ATG2B: variants seen among roughly 807,000 people sequenced by gnomAD.
ATG2B encodes the protein autophagy related 2B.
A neutral mutation model predicts 241.3 loss-of-function variants in ATG2B; 121 were observed. That is an observed-to-expected ratio of 0.50 (90% CI 0.43 to 0.58). The LOEUF (loss-of-function observed/expected upper bound fraction) is 0.58. Ranked by LOEUF, ATG2B falls within the 20% of genes least tolerant of loss-of-function variation. The pLI, the probability that ATG2B is intolerant of heterozygous loss-of-function variation, is 0.00. For synonymous variants in ATG2B, 858 were observed against 876.6 expected (o/e 0.98, Z 0.37); for missense variants, 2,306 against 2,491.6 (o/e 0.93, Z 1.59).
intron 32 of ATG2B, among the ~76,000 whole-genome samples, chr14:96,304,071 A>G (rs937113950): frequency 1.3e-5 from 2 of 152,220 alleles, no homozygotes; most frequent in Non-Finnish European, 2.9e-5. Context: ...GTCTGGCCCT[A>G]CTGGTCTCTA....
chr14:96,295,640 C>CCTG, intron 34 of ATG2B, 80 bp from the exon 35 acceptor site: 1 of 904,856 alleles, frequency 1.1e-6, no homozygotes, highest in South Asian at 1.7e-5. Context: ...GTATCTTAAA[C>CCTG]TCATATATTT....
intron 1 of ATG2B, among the ~76,000 whole-genome samples, chr14:96,355,750 A>C (rs1888455517): frequency 6.6e-6 from 1 of 152,208 alleles, no homozygotes; most frequent in Non-Finnish European, 1.5e-5. Context: ...TATGAAAAAA[A>C]AGCAAACATT....
At chr14:96,299,136 CACTT>C (rs1385537726) in intron 34 of ATG2B, among the ~76,000 whole-genome samples, 1 of 152,156 alleles carries the variant, frequency 6.6e-6, no homozygotes, top group African/African-American at 2.4e-5. Flanking sequence ...CCTGGTTGAG[CACTT>C]ACTTATCTTC....
chr14:96,311,928 T>C (rs1331465090), intron 26 of ATG2B, among the ~76,000 whole-genome samples, 161 bp downstream of exon 26: 1 of 152,210 alleles, frequency 6.6e-6, no homozygotes, highest in Non-Finnish European at 1.5e-5. Flanking sequence ...TGTGAATATA[T>C]ACCACATGAT....
chr14:96,351,622 G>C (rs1051297455), intron 1 of ATG2B, among the ~76,000 whole-genome samples: 4 of 151,976 alleles, frequency 2.6e-5, no homozygotes, highest in African/African-American at 7.3e-5. Flanking sequence ...TTTAATCCCA[G>C]CTACTCGGGA....
rs1031186883 is a variant in ATG2B, at chr14:96,285,102, G to T, written c.*653C>A. On this transcript the variant is annotated 3_prime_UTR_variant, in exon 42 of 42. Coordinates refer to ENST00000359933, the MANE Select transcript of ATG2B (RefSeq NM_018036.7). This position sits in a 1 kb window ranked among gnomAD's most constrained non-coding sequence, Gnocchi z 4.2. ...TTGTGTAACTTTGTAAATTATACAA[G>T]AAATATAGCACACAACTTGAATTAA... The T allele has an allele frequency of 6.6e-6, 1 of 152,146 alleles. No homozygotes were observed. Among genetic ancestry groups the T allele is most frequent in the Non-Finnish European group, 1.5e-5 (1 of 68,028 alleles). The allele number at this position is 152,146 out of a possible 1,614,324, so 9.4% of individuals were successfully genotyped here.
intron 18 of ATG2B, 129 bp downstream of exon 18, chr14:96,321,983 A>G (rs1473513967): frequency 4.4e-6 from 3 of 682,526 alleles, no homozygotes; most frequent in East Asian, 6.0e-5. Context: ...AGTCACCATC[A>G]ACACCACACA....
chr14:96,332,228 A>C, intron 10 of ATG2B, 77 bp downstream of exon 10: 1 of 1,170,756 alleles, frequency 8.5e-7, no homozygotes, highest in Non-Finnish European at 1.2e-6. Context: ...AAAAAAAAAA[A>C]GAAAGAAAAG....
At chr14:96,287,171 C>T (rs1357463231) in intron 41 of ATG2B, among the ~76,000 whole-genome samples, 1 of 139,370 alleles carries the variant, frequency 7.2e-6, no homozygotes, top group South Asian at 2.4e-4. Context: ...AGGAGAATGG[C>T]GTGAACCAGG....
At chr14:96,307,672 TG>T (rs1426534250) in intron 29 of ATG2B, among the ~76,000 whole-genome samples, 2 of 151,568 alleles carry the variant, frequency 1.3e-5, no homozygotes, top group Non-Finnish European at 2.9e-5. Flanking sequence ...AGAGCCTAAA[TG>T]TAGGGGGAGG....
At chr14:96,306,033 A>AT (rs1479256087) in intron 30 of ATG2B, among the ~76,000 whole-genome samples, 1 of 152,200 alleles carries the variant, frequency 6.6e-6, no homozygotes, top group Non-Finnish European at 1.5e-5. Context: ...CTCCATAAGG[A>AT]TTTTTTATGG....
intron 1 of ATG2B, among the ~76,000 whole-genome samples, chr14:96,353,773 T>C (rs1888399143): frequency 6.6e-6 from 1 of 151,956 alleles, no homozygotes; most frequent in African/African-American, 2.4e-5. Flanking sequence ...TATGTTTTTA[T>C]TGTAGAGAAA....
In ATG2B at chr14:96,337,443, A is replaced by G. The variant is rs144159620; in HGVS notation, c.925-2942T>C. On this transcript the variant is annotated intron_variant, in intron 6 of 41. Coordinates refer to ENST00000359933, the MANE Select transcript of ATG2B (RefSeq NM_018036.7). The stretch of plus-strand genomic sequence containing the variant: ...TTGTATTTATACAGTGTCTTTATAC[A>G]GTGTCAAAGCTATGAGAAGGAGAAC... Among the ~76,000 whole-genome samples, 974 of 152,284 alleles carry G rather than the reference A, an allele frequency of 6.4e-3. 15 individuals carry two copies. The highest frequency in any genetic ancestry group is 0.023 in the African/African-American group (940 of 41,568).
intron 32 of ATG2B, among the ~76,000 whole-genome samples, chr14:96,303,838 C>T (rs749256876): frequency 6.6e-6 from 1 of 152,124 alleles, no homozygotes; most frequent in Non-Finnish European, 1.5e-5. Context: ...AAGGAAAATT[C>T]TCAATAGGAA....
intron 37 of ATG2B, 126 bp from the exon 38 acceptor site, chr14:96,291,808 A>C: frequency 4.4e-6 from 3 of 685,522 alleles, no homozygotes; most frequent in Non-Finnish European, 7.1e-6. Context: ...AAATATTTAC[A>C]GTAAAAATAT....
Position 96,332,419 on chromosome 14 carries a change from G to A in ATG2B, c.1363-9C>T. 2 of 1,613,198 alleles carry A rather than the reference G, an allele frequency of 1.2e-6. No individual in the cohort carries two copies. Among genetic ancestry groups the A allele is most frequent in the Non-Finnish European group, 1.7e-6 (2 of 1,179,404 alleles). ...CCCCAAGTGGGCTGAAGCTATAAAA[G>A]ATTTTTTTTAAGCACATGAATGAAG... is the stretch of plus-strand genomic sequence containing the variant. On this transcript the variant is annotated splice_polypyrimidine_tract_variant and intron_variant, in intron 9 of 41. Transcript: ENST00000359933.
chr14:96,328,233 C>T (rs1475492436), intron 14 of ATG2B, 114 bp downstream of exon 14: 7 of 628,516 alleles, frequency 1.1e-5, no homozygotes, highest in Non-Finnish European at 1.7e-5. Flanking sequence ...ACAAATAATG[C>T]TATTTTAATT....
chr14:96,357,400 C>T (rs534764318), intron 1 of ATG2B, among the ~76,000 whole-genome samples: 1 of 152,336 alleles, frequency 6.6e-6, no homozygotes, highest in Non-Finnish European at 1.5e-5. Context: ...ACTCTGATAA[C>T]TCCCATATCT....
chr14:96,357,747 CA>C (rs1236003537), intron 1 of ATG2B, among the ~76,000 whole-genome samples: 2 of 151,546 alleles, frequency 1.3e-5, no homozygotes, highest in Non-Finnish European at 2.9e-5. Flanking sequence ...TAAAAGACTT[CA>C]AAAGGTAAGT....
Sources: gnomAD v4.1 joint callset for allele counts (sites outside exome capture counted in the v4.1 genomes callset) on GRCh38, gnomAD v4.1.1 for gene constraint, Gnocchi (gnomAD v3.1) non-coding constraint, MANE v1.5 for transcripts, NCBI Gene and HGNC (gene_info 2026-07-23, HGNC 2026-07-21) for gene names.